Variants in USP25 observed in about 807,000 individuals in gnomAD.
The protein encoded by USP25 is ubiquitin specific peptidase 25.
A neutral mutation model predicts 158.5 loss-of-function variants in USP25; 85 were observed. The ratio of observed to expected loss-of-function variants is 0.54; its 90% CI spans 0.45 to 0.64. The LOEUF (loss-of-function observed/expected upper bound fraction) is 0.64, where lower values mean the gene tolerates loss of function less well. Ranked by LOEUF, USP25 falls within the 30% of genes least tolerant of loss-of-function variation. The probability of loss-of-function intolerance (pLI) is 0.00; values close to 1 mark genes in which losing one functional copy is unlikely to be tolerated. For synonymous variants in USP25, 464 were observed against 460.4 expected, an observed-to-expected ratio of 1.01 and a Z score of -0.10; for missense variants, 1,242 against 1,327.3, an observed-to-expected ratio of 0.94 and a Z score of 1.00.
chr21:15,802,384 C>T (rs1436943538), intron 6 of USP25, among the ~76,000 whole-genome samples: 1 of 151,374 alleles, frequency 6.6e-6, no homozygotes, highest in Non-Finnish European at 1.5e-5. Context: ...GAAGAAGTAA[C>T]AGGAGCTGGA....
intron 4 of USP25, among the ~76,000 whole-genome samples, chr21:15,783,982 G>T (rs2035127761): frequency 6.6e-6 from 1 of 150,800 alleles, no homozygotes; most frequent in African/African-American, 2.4e-5. Context: ...AAAAAATAAA[G>T]AAAAGAAAAA....
intron 20 of USP25, among the ~76,000 whole-genome samples, chr21:15,861,830 T>C (rs1445859381): frequency 6.6e-6 from 1 of 152,140 alleles, no homozygotes; most frequent in Non-Finnish European, 1.5e-5. Flanking sequence ...CTTGTGTGAT[T>C]GAAAAACAGC....
chr21:15,774,714 G>A (rs1032016438), intron 3 of USP25, among the ~76,000 whole-genome samples: 2 of 152,120 alleles, frequency 1.3e-5, no homozygotes, highest in Admixed American at 1.3e-4. Context: ...AAGGTTTGAG[G>A]TTTAATAAAA....
chr21:15,774,238 C>G (rs754347175), intron 3 of USP25, among the ~76,000 whole-genome samples: 1 of 151,962 alleles, frequency 6.6e-6, no homozygotes, highest in Non-Finnish European at 1.5e-5. Context: ...GATCTTTTAC[C>G]CATGCATGAG....
chr21:15,742,092 G>A (rs570625680), intron 1 of USP25, among the ~76,000 whole-genome samples: 2 of 151,346 alleles, frequency 1.3e-5, no homozygotes, highest in African/African-American at 4.9e-5. Context: ...CAGAAATTGG[G>A]CAGAAAGATA....
chr21:15,750,017 G>T (rs907846210), intron 1 of USP25, among the ~76,000 whole-genome samples: 4 of 152,060 alleles, frequency 2.6e-5, no homozygotes, highest in African/African-American at 9.7e-5. Flanking sequence ...AGGAGAGGCT[G>T]TGTAGCTTCC....
Position 15,809,802 on chromosome 21 carries a change from A to G in USP25, c.857+917A>G, listed in dbSNP as rs904501908. 5.9e-5 allele frequency among the ~76,000 whole-genome samples: 9 copies of G among 152,224 alleles called. No individual in the cohort carries two copies. The East Asian group carries it at 1.7e-3, about 29-fold the overall frequency. On this transcript the variant is annotated intron_variant, in intron 8 of 25. Coordinates refer to ENST00000400183, the MANE Select transcript of USP25 (RefSeq NM_001283041.3). ...AACAAAATGTGCTGTATATACATAC[A>G]GTGGAATATTATTTATCCTGAAAAG...
At chr21:15,757,538 A>G (rs1032879108) in intron 1 of USP25, among the ~76,000 whole-genome samples, 11 of 152,240 alleles carry the variant, frequency 7.2e-5, no homozygotes, top group African/African-American at 2.7e-4. Flanking sequence ...TCAAACCACC[A>G]TAACAAACCA....
chr21:15,775,739 A>ACCGCCCC, intron 3 of USP25, among the ~76,000 whole-genome samples: 1 of 14,052 alleles, frequency 7.1e-5, no homozygotes, highest in Non-Finnish European at 1.3e-4. Context: ...AATGGTTGCC[A>ACCGCCCC]CCCCCCCCCC....
At chr21:15,794,841 G>T (rs939003487) in intron 5 of USP25, among the ~76,000 whole-genome samples, 13 of 151,560 alleles carry the variant, frequency 8.6e-5, no homozygotes, top group Non-Finnish European at 1.8e-4. Flanking sequence ...TGGCACATTG[G>T]AATAGCCCAT....
At chr21:15,825,992 C>G (rs1198895185) in intron 12 of USP25, among the ~76,000 whole-genome samples, 2 of 152,132 alleles carry the variant, frequency 1.3e-5, no homozygotes, top group Non-Finnish European at 2.9e-5. Flanking sequence ...TACTCACATT[C>G]AGTCCCAATC....
chr21:15,824,796 A>C (rs975085045), intron 11 of USP25, among the ~76,000 whole-genome samples, 170 bp from the exon 12 acceptor site: 1 of 152,122 alleles, frequency 6.6e-6, no homozygotes, highest in Non-Finnish European at 1.5e-5. Context: ...TTTGTATTTT[A>C]GTAGAGACGA....
chr21:15,860,311 C>T (rs1380992446), intron 20 of USP25, among the ~76,000 whole-genome samples: 1 of 152,218 alleles, frequency 6.6e-6, no homozygotes, highest in East Asian at 1.9e-4. Context: ...CATCACCATG[C>T]CTGGCTAATT....
intron 5 of USP25, among the ~76,000 whole-genome samples, chr21:15,798,047 A>G (rs2035948304): frequency 6.6e-6 from 1 of 151,224 alleles, no homozygotes; most frequent in Non-Finnish European, 1.5e-5. Context: ...AGATTTTGGA[A>G]TGTATCCTTT....
rs2146444883 is a variant in USP25 at position 15,842,500 on chromosome 21, A to G, written c.2297A>G (p.His766Arg). 1 of 1,613,774 alleles carries G rather than the reference A, an allele frequency of 6.2e-7. No homozygotes were observed. The highest frequency in any genetic ancestry group is 8.5e-7 in the Non-Finnish European group (1 of 1,179,732). ...ATTCAAATAATTACCAAGGCATCAC[A>G]TGAGCATGAAGATAAAAGTCCTGAA... ...ETIQIITKAS[H>R]EHEDKSPETV... Residue 766 changes from histidine (H) to arginine (R), a missense_variant, in exon 18 of 26, where the codon CAT becomes CGT. Transcript: ENST00000400183.
chr21:15,845,101 C>T (rs1210925454), intron 18 of USP25, among the ~76,000 whole-genome samples: 1 of 151,982 alleles, frequency 6.6e-6, no homozygotes, highest in Non-Finnish European at 1.5e-5. Context: ...CAGGTTATTT[C>T]CTTAGAATAG....
At chr21:15,764,338 T>C (rs1381740597) in intron 2 of USP25, among the ~76,000 whole-genome samples, 1 of 151,510 alleles carries the variant, frequency 6.6e-6, no homozygotes, top group African/African-American at 2.4e-5. Flanking sequence ...TTTTTAAACT[T>C]AGAAAATATG....
intron 6 of USP25, among the ~76,000 whole-genome samples, chr21:15,801,640 G>T (rs2036140777): frequency 6.6e-6 from 1 of 151,488 alleles, no homozygotes; most frequent in Non-Finnish European, 1.5e-5. Flanking sequence ...AAAAAGGCGT[G>T]AGTGTAACTT....
chr21:15,750,675 C>G (rs1160996267), intron 1 of USP25, among the ~76,000 whole-genome samples: 3 of 151,862 alleles, frequency 2.0e-5, no homozygotes, highest in South Asian at 2.1e-4. Flanking sequence ...GGCGTGATCA[C>G]GGCTCACTGC....
Sources: gnomAD v4.1 joint callset for allele counts (sites outside exome capture counted in the v4.1 genomes callset) on GRCh38, gnomAD v4.1.1 for gene constraint, MANE v1.5 for transcripts, NCBI Gene and HGNC (gene_info 2026-07-23, HGNC 2026-07-21) for gene names.